FAM20B: variants seen among roughly 807,000 people sequenced by gnomAD.
The protein encoded by FAM20B is glycosaminoglycan xylosylkinase.
In FAM20B, 23 loss-of-function variants were observed where a neutral mutation model predicts 43.8. That is an observed-to-expected ratio of 0.53 (90% CI 0.38 to 0.74). FAM20B has a LOEUF of 0.74. Ranked by LOEUF, FAM20B falls within the 30% of genes least tolerant of loss-of-function variation. The pLI, the probability that FAM20B is intolerant of heterozygous loss-of-function variation, is 0.00. For missense variants in FAM20B, 440 were observed against 510.5 expected, an observed-to-expected ratio of 0.86 and a Z score of 1.33; for synonymous variants, 178 against 192.4, an observed-to-expected ratio of 0.93 and a Z score of 0.62.
At chr1:179,054,189 A>G (rs1374865665) in intron 3 of FAM20B, among the ~76,000 whole-genome samples, 1 of 150,964 alleles carries the variant, frequency 6.6e-6, no homozygotes, top group African/African-American at 2.4e-5. Context: ...TTTTTCTAAT[A>G]CTTTCCTAAA....
At chr1:179,059,627 G>A (rs1013096645) in intron 4 of FAM20B, among the ~76,000 whole-genome samples, 6 of 152,072 alleles carry the variant, frequency 3.9e-5, no homozygotes, top group African/African-American at 1.4e-4. Flanking sequence ...GTTTGTTTTA[G>A]GGCTTTACAT....
intron 1 of FAM20B, among the ~76,000 whole-genome samples, chr1:179,033,770 G>A (rs1436973320): frequency 6.6e-6 from 1 of 151,968 alleles, no homozygotes; most frequent in African/African-American, 2.4e-5. Context: ...TCGGCTCACT[G>A]CAACCTCCGC....
At chr1:179,025,431 G>A (rs1480220548), upstream of FAM20B, among the ~76,000 whole-genome samples, 1 of 152,156 alleles carries the variant, frequency 6.6e-6, no homozygotes, top group East Asian at 1.9e-4. Context: ...CATTTAGATA[G>A]GCAGAAGTTC....
chr1:179,054,757 C>G, intron 4 of FAM20B, 119 bp downstream of exon 4: 1 of 515,568 alleles, frequency 1.9e-6, no homozygotes, highest in South Asian at 3.3e-5. Flanking sequence ...AATACAAAAG[C>G]AAATCAGACA....
intron 1 of FAM20B, 73 bp downstream of exon 1, chr1:179,026,171 G>C (rs1005123148): frequency 6.7e-6 from 1 of 149,072 alleles, no homozygotes; most frequent in Non-Finnish European, 1.5e-5. Context: ...ATGCGGACCG[G>C]CACGCGGGCG....
At chr1:179,066,739 T>C (rs1222669364) in intron 6 of FAM20B, 61 bp from the exon 7 acceptor site, 2 of 1,144,292 alleles carry the variant, frequency 1.7e-6, no homozygotes, top group Non-Finnish European at 2.6e-6. Flanking sequence ...TGCTATTGCT[T>C]TGATGCTAAG....
In FAM20B at chr1:179,060,304, T is replaced by C. The variant is rs75823803; in HGVS notation, c.575-3623T>C. On this transcript the variant is annotated intron_variant, in intron 4 of 7. Transcript: ENST00000263733. Reference sequence around the variant, plus strand: ...CCAGAATTTTATTGGACTTAAATGTTGTTCCAATATTTTGTTTTTACAACC... The same window carrying C: ...CCAGAATTTTATTGGACTTAAATGTCGTTCCAATATTTTGTTTTTACAACC... Among the ~76,000 whole-genome samples, 4 of 152,352 alleles carry C rather than the reference T, an allele frequency of 2.6e-5. No individual in the cohort carries two copies. In the East Asian group the frequency reaches 7.7e-4, roughly 29 times the overall value.
At chr1:179,035,475 A>G (rs1307568716) in intron 1 of FAM20B, 10 of 698,466 alleles carry the variant, frequency 1.4e-5, no homozygotes, top group South Asian at 4.1e-5. Context: ...GCACATAGGC[A>G]TTGAAGACGC....
chr1:179,068,624 C>T (rs1230158681), intron 7 of FAM20B, among the ~76,000 whole-genome samples: 5 of 152,016 alleles, frequency 3.3e-5, no homozygotes, highest in Admixed American at 6.6e-5. Flanking sequence ...TTAGTAGAGA[C>T]GGGGTTTCAC....
intron 1 of FAM20B, among the ~76,000 whole-genome samples, chr1:179,031,902 C>T (rs1339799411): frequency 6.6e-6 from 1 of 152,166 alleles, no homozygotes; most frequent in Non-Finnish European, 1.5e-5. Flanking sequence ...TCATGCTTCC[C>T]ATCTGTTTCA....
At chr1:179,030,595 A>G (rs1471254044) in intron 1 of FAM20B, among the ~76,000 whole-genome samples, 3 of 152,214 alleles carry the variant, frequency 2.0e-5, no homozygotes, top group African/African-American at 4.8e-5. Flanking sequence ...CATATTCGCT[A>G]TTTCTGCATC....
intron 4 of FAM20B, among the ~76,000 whole-genome samples, chr1:179,061,355 A>AT (rs766482105): frequency 1.7e-3 from 255 of 148,842 alleles, no homozygotes; most frequent in Middle Eastern, 3.5e-3. Context: ...CCAAATGGTG[A>AT]TTTTTTTTTT....
At position 179,041,965 on chromosome 1, in the gene FAM20B, C is replaced by T. The variant is rs571593615; in HGVS notation, c.-133-1750C>T. Among the ~76,000 whole-genome samples, 8 of 152,208 alleles carry T rather than the reference C, an allele frequency of 5.3e-5. 1 individual carries two copies. The South Asian group carries it at 1.7e-3, about 32-fold the overall frequency. ...GTTTTGGTTATTAGGCATGTGTAGC[C>T]AACCTCATGGCTCCTAGATGGCTTG... On this transcript the variant is annotated intron_variant, in intron 1 of 7. Coordinates refer to ENST00000263733, the MANE Select transcript of FAM20B (RefSeq NM_014864.4).
chr1:179,026,426 C>T (rs957495094), intron 1 of FAM20B, among the ~76,000 whole-genome samples: 1 of 152,102 alleles, frequency 6.6e-6, no homozygotes. Flanking sequence ...CTGGGGCCGC[C>T]TCAGGCTGCC....
chr1:179,031,380 C>G (rs972003145), intron 1 of FAM20B, among the ~76,000 whole-genome samples: 3 of 152,130 alleles, frequency 2.0e-5, no homozygotes, highest in African/African-American at 7.2e-5. Flanking sequence ...GAACAGAACT[C>G]GCTAGCAGTA....
At chr1:179,040,091 T>C (rs1235804547) in intron 1 of FAM20B, among the ~76,000 whole-genome samples, 2 of 152,202 alleles carry the variant, frequency 1.3e-5, no homozygotes, top group African/African-American at 2.4e-5. Context: ...GAAGAACTTT[T>C]CTTAGCACAG....
upstream of FAM20B, among the ~76,000 whole-genome samples, chr1:179,021,154 G>A (rs1649599972): frequency 6.6e-6 from 1 of 152,228 alleles, no homozygotes; most frequent in Non-Finnish European, 1.5e-5. Context: ...AAGGCTCAAA[G>A]AGCCTTCTGC....
At chr1:179,040,398 G>A (rs1259880983) in intron 1 of FAM20B, among the ~76,000 whole-genome samples, 3 of 151,542 alleles carry the variant, frequency 2.0e-5, no homozygotes, top group Admixed American at 6.6e-5. Context: ...TGGGCGGCTG[G>A]CCGGGCAGAG....
chr1:179,031,790 C>T (rs1057480580), intron 1 of FAM20B, among the ~76,000 whole-genome samples: 3 of 152,348 alleles, frequency 2.0e-5, no homozygotes, highest in Middle Eastern at 3.4e-3. Flanking sequence ...GGCTTTAGCA[C>T]ATGAAAAGCT....
Sources: allele counts gnomAD v4.1 joint callset (sites outside exome capture counted in the v4.1 genomes callset), GRCh38; gene constraint gnomAD v4.1.1; transcripts MANE v1.5; gene names NCBI Gene and HGNC (gene_info 2026-07-23, HGNC 2026-07-21).